The following NARF variants were observed in gnomAD, a reference collection of about 807,000 sequenced individuals.
NARF encodes the protein iron-only hydrogenase-like protein 2.
Under a neutral mutation model 48.0 loss-of-function variants are expected in NARF, and 41 were observed. The ratio of observed to expected loss-of-function variants is 0.85; its 90% confidence interval spans 0.66 to 1.11. The LOEUF (loss-of-function observed/expected upper bound fraction) is 1.11, where lower values mean the gene tolerates loss of function less well. Among genes scored for constraint, NARF ranks in the 50% least tolerant of loss-of-function variants. NARF has a pLI of 0.00. For synonymous variants in NARF, 215 were observed against 225.5 expected (o/e 0.95, Z 0.42); for missense variants, 613 against 590.2 (o/e 1.04, Z -0.40).
At chr17:82,486,094 G>A (rs1422510395) in intron 10 of NARF, among the ~76,000 whole-genome samples, 1 of 152,212 alleles carries the variant, frequency 6.6e-6, no homozygotes, top group African/African-American at 2.4e-5. Context: ...CTGGGCCTGA[G>A]GGGCTCCCTT....
intron 2 of NARF, chr17:82,461,129 G>C (rs1474846791): frequency 6.6e-6 from 1 of 151,972 alleles, no homozygotes; most frequent in African/African-American, 2.4e-5. Flanking sequence ...CCACTATGTT[G>C]CCCAGATTGG....
At chr17:82,461,785 C>T (rs2043446305) in intron 2 of NARF, among the ~76,000 whole-genome samples, 1 of 152,186 alleles carries the variant, frequency 6.6e-6, no homozygotes, top group Non-Finnish European at 1.5e-5. Flanking sequence ...GGCAATATGG[C>T]AGAAGCATAT....
intron 7 of NARF, chr17:82,482,261 C>T (rs1265175781): frequency 2.1e-5 from 9 of 434,360 alleles, no homozygotes; most frequent in Admixed American, 7.9e-5. Context: ...AATTCTAGCA[C>T]GCAGACGCCT....
intron 4 of NARF, among the ~76,000 whole-genome samples, chr17:82,471,163 A>G (rs1307726854): frequency 6.9e-6 from 1 of 144,508 alleles, no homozygotes; most frequent in African/African-American, 2.6e-5. Context: ...GACTGTCTGA[A>G]AAAAAAAAAA....
chr17:82,459,146 A>C (rs980427211), intron 1 of NARF: 1 of 1,149,292 alleles, frequency 8.7e-7, no homozygotes, highest in African/African-American at 1.6e-5. Flanking sequence ...CGTGGCGGGA[A>C]TGATCAGAAG....
At position 82,458,811 on chromosome 17, in the gene NARF, G is replaced by A; in HGVS notation, c.8G>A (p.Cys3Tyr). Residue 3 changes from cysteine to tyrosine, a missense_variant, in exon 1 of 11, where the codon TGT (cysteine) becomes TAT (tyrosine). Cys to Tyr is a radical substitution (Grantham distance 194). Coordinates refer to ENST00000309794, the MANE Select transcript of NARF (RefSeq NM_012336.4). MK[C>Y]EHCTRKECSK... ...CCGCCCGCCGCGCTCCAGATGAAGT[G>A]TGAGCACTGCACGCGCAAGGTGAGC... 1 of 1,443,080 alleles carries A rather than the reference G, an allele frequency of 6.9e-7. No individual in the cohort carries two copies. The highest frequency in any genetic ancestry group is 2.8e-5 in the East Asian group (1 of 36,256). The allele number at this position is 1,443,080 out of a possible 1,614,324, so 89.4% of individuals were successfully genotyped here.
At position 82,482,221 on chromosome 17, in the gene NARF, G is replaced by A. The variant is rs530976837; in HGVS notation, c.769+1010G>A. ...GCTCTCAGGGACAATCTTTAAGGGCGCCAATGTCCCTCACAGGCCCCTGAC... is the reference window on the plus strand; with the variant it reads ...GCTCTCAGGGACAATCTTTAAGGGCACCAATGTCCCTCACAGGCCCCTGAC... On this transcript the variant is annotated intron_variant, in intron 7 of 10. Transcript: ENST00000309794. 162 of 426,862 alleles carry A rather than the reference G, an allele frequency of 3.8e-4. No homozygotes were observed. In the Middle Eastern group the frequency reaches 0.012, roughly 30 times the overall value. 26.4% of individuals were successfully genotyped at this position (426,862 alleles called of 1,614,324 possible). A position where few individuals can be genotyped will look rare whatever the true frequency, so the allele number is the denominator to read the frequency against.
intron 6 of NARF, among the ~76,000 whole-genome samples, chr17:82,479,560 A>G (rs2143926579): frequency 6.6e-6 from 1 of 152,202 alleles, no homozygotes; most frequent in South Asian, 2.1e-4. Context: ...GCCACCCTCA[A>G]AGGGACCCTA....
Position 82,478,866 on chromosome 17 carries a change from C to G in NARF, c.587C>G (p.Ser196Cys). 1.2e-6 allele frequency: 2 copies of G among 1,613,902 alleles called. No homozygotes were observed. Among genetic ancestry groups the G allele is most frequent in the East Asian group, 2.2e-5 (1 of 44,882 alleles). The change falls in exon 6 of 11, where the codon TCC becomes TGC. Residue 196 changes from serine to cysteine, a missense_variant. Transcript: ENST00000309794. ...PITAHLCTAK[S>C]PQQVMGSLVK... ...ACTGCCCACCTCTGCACCGCCAAGTCCCCCCAGCAGGTCATGGGCTCTTTG... is the reference window on the plus strand; with the variant it reads ...ACTGCCCACCTCTGCACCGCCAAGTGCCCCCAGCAGGTCATGGGCTCTTTG...
chr17:82,480,362 C>T lies in NARF; in HGVS notation c.640-720C>T, dbSNP rs745507934. On this transcript the variant is annotated intron_variant, in intron 6 of 10. Coordinates refer to ENST00000309794, the MANE Select transcript of NARF (RefSeq NM_012336.4). The stretch of plus-strand genomic sequence containing the variant: ...CCATGCTGGACCAGCAACAGCTCCA[C>T]GCCGGCTGGACTTCCTCTTACTTGT... The T allele has an allele frequency of 3.5e-4, 141 of 401,828 alleles. 1 individual carries two copies. The Middle Eastern group carries it at 0.011, about 33-fold the overall frequency. 24.9% of individuals were successfully genotyped at this position (401,828 alleles called of 1,614,324 possible).
chr17:82,459,240 G>C (rs2043368202), intron 1 of NARF: 2 of 979,360 alleles, frequency 2.0e-6, no homozygotes, highest in Non-Finnish European at 2.4e-6. Context: ...AGCGGGTGAC[G>C]GCTGCTGACC....
chr17:82,468,474 T>C (rs2043622813), intron 3 of NARF: 1 of 354,444 alleles, frequency 2.8e-6, no homozygotes, highest in Non-Finnish European at 5.2e-6. Context: ...GTGATCCTCC[T>C]GTTTCAGCCT....
intron 2 of NARF, chr17:82,463,425 G>C (rs181154320): frequency 6.6e-6 from 1 of 152,212 alleles, no homozygotes; most frequent in Non-Finnish European, 1.5e-5. Flanking sequence ...TGGGTGGGGA[G>C]GGAAGAGACG....
In NARF at chr17:82,488,370, CT is replaced by C. The variant is rs909917631; in HGVS notation, c.*222del. ...CTTCATAATAGGTGTGGGATTGGAA[CT>C]TTTTTTTTCTTTTTTTTTTTTTGAG... On this transcript the variant is annotated 3_prime_UTR_variant, in exon 11 of 11. Transcript: ENST00000309794. 68 of 566,654 alleles carry C rather than the reference CT, an allele frequency of 1.2e-4. No individual in the cohort carries two copies. Among genetic ancestry groups the C allele is most frequent in the South Asian group, 2.2e-4 (7 of 32,406 alleles). 35.1% of individuals were successfully genotyped at this position (566,654 alleles called of 1,614,324 possible). A position where few individuals can be genotyped will look rare whatever the true frequency, so the allele number is the denominator to read the frequency against.
At chr17:82,471,230 C>T (rs558547062) in intron 4 of NARF, among the ~76,000 whole-genome samples, 182 of 150,056 alleles carry the variant, frequency 1.2e-3, no homozygotes, top group African/African-American at 3.7e-3. Flanking sequence ...CCGAGGTGGG[C>T]GGATCACGAG....
At chr17:82,459,960 G>C in intron 1 of NARF, 32 bp from the exon 2 acceptor site, 2 of 1,554,364 alleles carry the variant, frequency 1.3e-6, no homozygotes, top group Non-Finnish European at 1.8e-6. Context: ...CGAAGTAAAA[G>C]TTCATTGATA....
At position 82,484,332 on chromosome 17, in the gene NARF, G is replaced by A. The variant is rs572317246; in HGVS notation, c.834-481G>A. 4 of 157,610 alleles carry A rather than the reference G, an allele frequency of 2.5e-5. 1 individual carries two copies. Among genetic ancestry groups the A allele is most frequent in the African/African-American group, 4.8e-5 (2 of 41,562 alleles). The allele number at this position is 157,610 out of a possible 1,614,324, so 9.8% of individuals were successfully genotyped here. On this transcript the variant is annotated intron_variant, in intron 8 of 10. Transcript: ENST00000309794. ...AGTCCGCATCCCAGGTGCTGCATTC[G>A]TGCCCTTTTGGGGGAAGGTAAGATA... is the stretch of plus-strand genomic sequence containing the variant.
intron 5 of NARF, among the ~76,000 whole-genome samples, chr17:82,478,114 T>C (rs1164562587): frequency 6.6e-6 from 1 of 152,170 alleles, no homozygotes; most frequent in African/African-American, 2.4e-5. Flanking sequence ...GATGTTCTTA[T>C]GCACTCTGAC....
At chr17:82,483,813 G>C in intron 8 of NARF, 34 bp downstream of exon 8, 1 of 1,604,932 alleles carries the variant, frequency 6.2e-7, no homozygotes, top group Non-Finnish European at 8.5e-7. Flanking sequence ...TCCTCTGGGG[G>C]GCAGGACCTC....
Sources: gnomAD v4.1 joint callset for allele counts (sites outside exome capture counted in the v4.1 genomes callset) on GRCh38, gnomAD v4.1.1 for gene constraint, MANE v1.5 for transcripts, NCBI Gene and HGNC (gene_info 2026-07-23, HGNC 2026-07-21) for gene names.